The following USH2A variants were observed in gnomAD, a reference collection of about 807,000 sequenced individuals.
USH2A encodes the protein Usher syndrome 2A (autosomal recessive, mild).
A neutral mutation model predicts 538.9 loss-of-function variants in USH2A; 443 were observed. That is an observed-to-expected ratio of 0.82 (90% CI 0.76 to 0.89). USH2A has a LOEUF of 0.89. Among genes scored for constraint, USH2A ranks in the 40% least tolerant of loss-of-function variants. The pLI is 0.00. For synonymous variants in USH2A, 2,413 were observed against 2,273.5 expected (o/e 1.06, Z -1.75); for missense variants, 6,633 against 6,324.8 (o/e 1.05, Z -1.65).
chr1:216,315,546 A>C (rs1388501190), intron 9 of USH2A, among the ~76,000 whole-genome samples: 2 of 152,156 alleles, frequency 1.3e-5, no homozygotes, highest in African/African-American at 4.8e-5. Flanking sequence ...CAGGGTACAC[A>C]TATGCCAAAA....
At chr1:216,275,427 T>A (rs577934756) in intron 11 of USH2A, among the ~76,000 whole-genome samples, 2 of 152,240 alleles carry the variant, frequency 1.3e-5, no homozygotes, top group South Asian at 2.1e-4. Flanking sequence ...GTTAATGTTG[T>A]ATAAAGATAC....
chr1:216,190,895 G>A (rs573944432), intron 19 of USH2A, among the ~76,000 whole-genome samples: 4 of 152,088 alleles, frequency 2.6e-5, no homozygotes, highest in Admixed American at 1.3e-4. Context: ...GAGCATCCAC[G>A]TTAAGTCAAT....
At chr1:215,878,016 A>G (rs1459565123) in intron 42 of USH2A, 136 bp from the exon 43 acceptor site, 3 of 1,288,294 alleles carry the variant, frequency 2.3e-6, no homozygotes, top group African/African-American at 1.5e-5. Flanking sequence ...GTTTACAGTT[A>G]CGTGGTTTTG....
At chr1:215,969,552 T>C (rs1667439920) in intron 36 of USH2A, among the ~76,000 whole-genome samples, 2 of 152,054 alleles carry the variant, frequency 1.3e-5, no homozygotes, top group South Asian at 4.1e-4. Flanking sequence ...CTTTTTCTTT[T>C]TTTTTTTTTG....
intron 21 of USH2A, among the ~76,000 whole-genome samples, chr1:216,150,198 A>T (rs1368081769): frequency 6.6e-6 from 1 of 151,998 alleles, no homozygotes; most frequent in African/African-American, 2.4e-5. Flanking sequence ...TCTTGTTTAC[A>T]CTGCTGGTTT....
chr1:215,735,176 T>A (rs1420188356), intron 60 of USH2A, among the ~76,000 whole-genome samples: 4 of 152,198 alleles, frequency 2.6e-5, no homozygotes, highest in Non-Finnish European at 5.9e-5. Flanking sequence ...CAGGTACCCC[T>A]CTTCAACTGT....
intron 58 of USH2A, among the ~76,000 whole-genome samples, chr1:215,748,275 G>C (rs1438200213): frequency 1.3e-5 from 2 of 152,158 alleles, no homozygotes; most frequent in African/African-American, 4.8e-5. Context: ...AAAATGAAGA[G>C]GGGAAGAATT....
chr1:216,305,936 C>A (rs183053112), intron 9 of USH2A, among the ~76,000 whole-genome samples: 2 of 152,260 alleles, frequency 1.3e-5, no homozygotes, highest in Non-Finnish European at 2.9e-5. Flanking sequence ...CCTCACAGCT[C>A]TTAAGATTCC....
chr1:216,368,770 GAA>G (rs2038646950), intron 3 of USH2A, among the ~76,000 whole-genome samples: 1 of 152,146 alleles, frequency 6.6e-6, no homozygotes, highest in Non-Finnish European at 1.5e-5. Context: ...GTTGCTTTGA[GAA>G]ATTATGTCTT....
At chr1:216,085,741 T>G (rs2032109971) in intron 24 of USH2A, among the ~76,000 whole-genome samples, 1 of 151,822 alleles carries the variant, frequency 6.6e-6, no homozygotes, top group South Asian at 2.1e-4. Context: ...TGTGTGTGTG[T>G]GTGTGTGTGT....
intron 37 of USH2A, among the ~76,000 whole-genome samples, chr1:215,937,488 C>T (rs1666534103): frequency 6.6e-6 from 1 of 152,072 alleles, no homozygotes; most frequent in Non-Finnish European, 1.5e-5. Flanking sequence ...GCCCCAAGTA[C>T]ATAAGACATA....
intron 35 of USH2A, among the ~76,000 whole-genome samples, chr1:215,990,874 G>A (rs2102474775): frequency 6.9e-6 from 1 of 145,624 alleles, no homozygotes; most frequent in Non-Finnish European, 1.5e-5. Context: ...CCATTCTCCT[G>A]CCTCACCCTC....
At chr1:215,889,247 C>T (rs1571784498) in intron 40 of USH2A, among the ~76,000 whole-genome samples, 193 bp from the exon 41 acceptor site, 1 of 152,232 alleles carries the variant, frequency 6.6e-6, no homozygotes, top group East Asian at 1.9e-4. Flanking sequence ...GTGTGAAATA[C>T]TTGTTGAATA....
chr1:215,773,474 ATGTCTCTC>A (rs200902282), intron 55 of USH2A, among the ~76,000 whole-genome samples: 160 of 131,442 alleles, frequency 1.2e-3, no homozygotes, highest in African/African-American at 4.9e-3. Flanking sequence ...CACTTTACGG[ATGTCTCTC>A]TGTCTCTCTG....
intron 3 of USH2A, among the ~76,000 whole-genome samples, chr1:216,396,865 G>A (rs2039222149): frequency 6.6e-6 from 1 of 152,150 alleles, no homozygotes; most frequent in South Asian, 2.1e-4. Context: ...TGTAAAAAAA[G>A]TACAAATTGT....
rs75342150 is a variant in USH2A, at chr1:215,907,120, C to A, written c.7301-6215G>T. Reference sequence around the variant, plus strand: ...TGTAGAACAAAGAATTGTATGGGTTCTACAAAACTTAGGGCAAATATAACC... The same window carrying A: ...TGTAGAACAAAGAATTGTATGGGTTATACAAAACTTAGGGCAAATATAACC... On this transcript the variant is annotated intron_variant, in intron 38 of 71. Transcript: ENST00000307340. Among the ~76,000 whole-genome samples, 490 of 152,012 alleles carry A rather than the reference C, an allele frequency of 3.2e-3. 17 individuals carry two copies. The East Asian group carries it at 0.061, about 19-fold the overall frequency.
chr1:216,231,865 T>C, intron 14 of USH2A, 88 bp downstream of exon 14: 5 of 1,550,068 alleles, frequency 3.2e-6, no homozygotes, highest in Non-Finnish European at 4.4e-6. Context: ...AAAAATACTT[T>C]TTACAGAAGT....
chr1:215,634,130 G>A (rs1053232658), intron 70 of USH2A, among the ~76,000 whole-genome samples: 1 of 152,208 alleles, frequency 6.6e-6, no homozygotes, highest in African/African-American at 2.4e-5. Flanking sequence ...TTACAGGGCA[G>A]AGATACTCAT....
intron 32 of USH2A, among the ~76,000 whole-genome samples, chr1:216,009,072 C>T (rs943491536): frequency 2.6e-5 from 4 of 151,936 alleles, no homozygotes; most frequent in African/African-American, 9.7e-5. Context: ...ATTTCTGTGC[C>T]CCGACCTCTT....
Sources: allele counts gnomAD v4.1 joint callset (sites outside exome capture counted in the v4.1 genomes callset), GRCh38; gene constraint gnomAD v4.1.1; transcripts MANE v1.5; gene names NCBI Gene and HGNC (gene_info 2026-07-23, HGNC 2026-07-21).